The following LNX1 variants were observed in gnomAD, a reference collection of about 807,000 sequenced individuals.
LNX1 encodes the protein E3 ubiquitin-protein ligase LNX.
In LNX1, 54 loss-of-function variants were observed where a neutral mutation model predicts 68.4. The observed-to-expected ratio is 0.79, with a 90% confidence interval of 0.63 to 0.99. The LOEUF is 0.99. LNX1 is among the 50% of genes least tolerant of loss of function. LNX1 has a pLI of 0.00. For missense variants in LNX1, 906 were observed against 926.4 expected, an observed-to-expected ratio of 0.98 and a Z score of 0.29; for synonymous variants, 336 against 350.0, an observed-to-expected ratio of 0.96 and a Z score of 0.45.
intron 2 of LNX1, among the ~76,000 whole-genome samples, chr4:53,518,355 G>C (rs900392779): frequency 5.9e-5 from 9 of 152,180 alleles, no homozygotes; most frequent in Non-Finnish European, 2.9e-5. Flanking sequence ...GGGTGAGAGG[G>C]AGGCAGGGAA....
intron 2 of LNX1, among the ~76,000 whole-genome samples, chr4:53,540,754 C>T (rs548625241): frequency 2.6e-5 from 4 of 152,230 alleles, no homozygotes; most frequent in African/African-American, 7.2e-5. Context: ...GTGTAGACAT[C>T]GACACAGTGC....
At chr4:53,591,503 G>A (rs1732503552), upstream of LNX1, 1 of 985,516 alleles carries the variant, frequency 1.0e-6, no homozygotes, top group South Asian at 4.7e-5. Flanking sequence ...CCTCAACTTC[G>A]GTGAACAGGT....
chr4:53,463,159 CAT>C (rs1416162422), intron 9 of LNX1, among the ~76,000 whole-genome samples: 1 of 152,062 alleles, frequency 6.6e-6, no homozygotes, highest in Admixed American at 6.5e-5. Context: ...AAGCTGTAAA[CAT>C]AACCATCAAA....
At chr4:53,536,057 A>AT (rs1728350027) in intron 2 of LNX1, among the ~76,000 whole-genome samples, 1 of 152,210 alleles carries the variant, frequency 6.6e-6, no homozygotes, top group Non-Finnish European at 1.5e-5. Context: ...CCTGTTTTTA[A>AT]TAAGCATTTT....
chr4:53,475,225 G>A (rs1723487491), intron 9 of LNX1, among the ~76,000 whole-genome samples: 2 of 152,208 alleles, frequency 1.3e-5, no homozygotes, highest in Admixed American at 6.5e-5. Flanking sequence ...TTGATTACAT[G>A]ACAGAATAGC....
At chr4:53,631,003 C>A (rs1374894132) in intron 1 of LNX1, among the ~76,000 whole-genome samples, 1 of 152,176 alleles carries the variant, frequency 6.6e-6, no homozygotes, top group Non-Finnish European at 1.5e-5. Context: ...GTCAGGTAAA[C>A]CAACAGGGGA....
intron 1 of LNX1, among the ~76,000 whole-genome samples, chr4:53,624,282 G>A (rs1188809617): frequency 6.6e-6 from 1 of 152,168 alleles, no homozygotes; most frequent in African/African-American, 2.4e-5. Context: ...CCCACATGTA[G>A]TGGAAGGGAT....
At chr4:53,636,794 T>C (rs1734497177) in intron 1 of LNX1, among the ~76,000 whole-genome samples, 1 of 152,064 alleles carries the variant, frequency 6.6e-6, no homozygotes, top group Non-Finnish European at 1.5e-5. Flanking sequence ...ATATTTAGAC[T>C]CCAGTGAAAT....
At chr4:53,587,410 A>T (rs953642559) in intron 1 of LNX1, among the ~76,000 whole-genome samples, 1 of 152,240 alleles carries the variant, frequency 6.6e-6, no homozygotes. Context: ...CCTTCCAAAC[A>T]GTTTTGAAAA....
intron 2 of LNX1, among the ~76,000 whole-genome samples, chr4:53,601,522 C>T (rs530131730): frequency 2.4e-4 from 36 of 152,188 alleles, no homozygotes; most frequent in Non-Finnish European, 4.3e-4. Flanking sequence ...CAACACTGTT[C>T]GCGTTCTGGC....
intron 5 of LNX1, among the ~76,000 whole-genome samples, chr4:53,497,731 C>T (rs1477260992): frequency 6.6e-6 from 1 of 152,246 alleles, no homozygotes; most frequent in Non-Finnish European, 1.5e-5. Flanking sequence ...GCTGATTGTA[C>T]TGCGGCCTGC....
At chr4:53,549,210 A>T (rs761613339) in intron 2 of LNX1, 1 of 152,220 alleles carries the variant, frequency 6.6e-6, no homozygotes, top group African/African-American at 2.4e-5. Flanking sequence ...CTTCTGGGCA[A>T]CAAGGTCATA....
chr4:53,572,871 AAAG>A (rs1349835160), intron 2 of LNX1, among the ~76,000 whole-genome samples: 1 of 152,166 alleles, frequency 6.6e-6, no homozygotes, highest in African/African-American at 2.4e-5. Flanking sequence ...TTGGAAGACA[AAAG>A]TTTCCTAAAT....
intron 6 of LNX1, among the ~76,000 whole-genome samples, chr4:53,482,159 C>T (rs1305767475): frequency 1.3e-5 from 2 of 152,150 alleles, no homozygotes; most frequent in Non-Finnish European, 2.9e-5. Context: ...AATGGTTGTA[C>T]CACACACAAG....
chr4:53,615,095 T>C (rs1307622645), intron 2 of LNX1, among the ~76,000 whole-genome samples: 2 of 152,080 alleles, frequency 1.3e-5, no homozygotes, highest in Non-Finnish European at 2.9e-5. Flanking sequence ...ACAGTAGAGA[T>C]AATTACACAT....
chr4:53,498,542 C>T, intron 5 of LNX1, 99 bp downstream of exon 5: 4 of 810,350 alleles, frequency 4.9e-6, no homozygotes, highest in Non-Finnish European at 6.3e-6. Context: ...ATTTATTTTA[C>T]CATTTCCCTC....
upstream of LNX1, among the ~76,000 whole-genome samples, chr4:53,594,573 G>T (rs1732667720): frequency 6.6e-6 from 1 of 152,032 alleles, no homozygotes; most frequent in African/African-American, 2.4e-5. Flanking sequence ...CACTGTCATT[G>T]CTAAAGACCA....
At chr4:53,551,902 A>T (rs1353705978) in intron 2 of LNX1, among the ~76,000 whole-genome samples, 1 of 152,138 alleles carries the variant, frequency 6.6e-6, no homozygotes, top group Non-Finnish European at 1.5e-5. Flanking sequence ...CACCAGTAAC[A>T]CTTCCATAGC....
Position 53,478,651 on chromosome 4 carries a change from GCTCCCCCT to G in LNX1, c.1569_1576del (p.Gly524IlefsTer3). ...AGGCAAATCCCATTCTCTATGTGAT[GCTCCCCCT>G]GCGACGGTCATGCCGAGAGATTCAC... On this transcript the variant is annotated frameshift_variant, in exon 8 of 11. Coordinates refer to ENST00000263925, the MANE Select transcript of LNX1 (RefSeq NM_001126328.3). LOFTEE classifies it high-confidence loss of function. 1 of 1,613,972 alleles carries G rather than the reference GCTCCCCCT, an allele frequency of 6.2e-7. No homozygotes were observed. The highest frequency in any genetic ancestry group is 8.5e-7 in the Non-Finnish European group (1 of 1,179,898).
Sources: allele counts gnomAD v4.1 joint callset (sites outside exome capture counted in the v4.1 genomes callset), GRCh38; gene constraint gnomAD v4.1.1; transcripts MANE v1.5; gene names NCBI Gene and HGNC (gene_info 2026-07-23, HGNC 2026-07-21).